RP2: variants seen among roughly 807,000 people sequenced by gnomAD.
The protein encoded by RP2 is protein XRP2.
Under a neutral mutation model 20.3 loss-of-function variants are expected in RP2, and 3 were observed. The observed-to-expected ratio is 0.15, with a 90% CI of 0.07 to 0.38. RP2 has a LOEUF of 0.38. Ranked by LOEUF, RP2 falls within the 10% of genes least tolerant of loss-of-function variation. RP2 has a pLI of 1.00. For synonymous variants in RP2, 75 were observed against 94.8 expected, an observed-to-expected ratio of 0.79 and a Z score of 1.22; for missense variants, 233 against 268.5, an observed-to-expected ratio of 0.87 and a Z score of 0.92.
At chrX:46,841,403 CTT>C (rs781898318) in intron 1 of RP2, among the ~76,000 whole-genome samples, 46 of 112,200 alleles carry the variant, frequency 4.1e-4, no homozygotes, top group Non-Finnish European at 1.1e-4. Flanking sequence ...GTTCATAACT[CTT>C]TAATTTGCAT....
At chrX:46,848,262 TAGTA>T (rs1475780843) in intron 1 of RP2, among the ~76,000 whole-genome samples, 1 of 110,420 alleles carries the variant, frequency 9.1e-6, no homozygotes, top group Non-Finnish European at 1.9e-5. Flanking sequence ...TATTGCCGCT[TAGTA>T]AGATAATAAG....
chrX:46,862,109 C>T (rs1214529644), intron 3 of RP2, among the ~76,000 whole-genome samples: 4 of 111,988 alleles, frequency 3.6e-5, no homozygotes, highest in Non-Finnish European at 7.5e-5. Context: ...CGTAGTGGCT[C>T]ATACCTGTAA....
intron 1 of RP2, among the ~76,000 whole-genome samples, chrX:46,850,616 C>T (rs1199518936): frequency 9.0e-6 from 1 of 111,411 alleles, no homozygotes; most frequent in African/African-American, 3.3e-5. Context: ...TACTTTGTTC[C>T]GTCTGTTACT....
intron 1 of RP2, 126 bp from the exon 2 acceptor site, chrX:46,853,350 C>A: frequency 1.8e-6 from 1 of 566,427 alleles, no homozygotes; most frequent in Non-Finnish European, 2.8e-6. Context: ...TACTGTGTTT[C>A]AAAGTCATTG....
chrX:46,875,257 A>G (rs1284358812), intron 3 of RP2, among the ~76,000 whole-genome samples: 2 of 107,188 alleles, frequency 1.9e-5, no homozygotes, highest in Non-Finnish European at 3.9e-5. Flanking sequence ...AATTGTTTTA[A>G]TAGGCGTTGC....
intron 3 of RP2, among the ~76,000 whole-genome samples, chrX:46,862,477 G>A (rs781928850): frequency 2.0e-3 from 216 of 110,554 alleles, no homozygotes; most frequent in Non-Finnish European, 2.5e-3. Flanking sequence ...TGGCTAACAC[G>A]GTGAAACCCC....
At chrX:46,847,892 G>T (rs782196357) in intron 1 of RP2, among the ~76,000 whole-genome samples, 4 of 87,391 alleles carry the variant, frequency 4.6e-5, no homozygotes, top group Admixed American at 1.3e-4. Flanking sequence ...ATATATATGC[G>T]TATATACATA....
intron 1 of RP2, among the ~76,000 whole-genome samples, chrX:46,841,111 G>A (rs898557659): frequency 2.7e-5 from 3 of 111,846 alleles, no homozygotes; most frequent in Non-Finnish European, 5.6e-5. Flanking sequence ...TTAAACCAGA[G>A]GTTGGGCATG....
In RP2 at chrX:46,881,989, T is replaced by G. The variant is rs1240210229; in HGVS notation, c.*2220T>G. 3.6e-5 allele frequency: 4 copies of G among 111,973 alleles called. No homozygotes were observed. The highest frequency in any genetic ancestry group is 5.6e-5 in the Non-Finnish European group (3 of 53,232). 9.2% of individuals were successfully genotyped at this position (111,973 alleles called of 1,213,427 possible). On this transcript the variant is annotated 3_prime_UTR_variant, in exon 5 of 5. Transcript: ENST00000218340. ...AACCAAAGCTTAAAATTTTGTATTC[T>G]TCTGTTAGATAAGACCTTTTACCCA...
chrX:46,876,596 G>A (rs1427804031), intron 3 of RP2, among the ~76,000 whole-genome samples: 1 of 110,614 alleles, frequency 9.0e-6, no homozygotes, highest in Non-Finnish European at 1.9e-5. Flanking sequence ...TTCTGTATTT[G>A]TTGCCTGTAT....
At position 46,847,717 on chromosome X, in the gene RP2, T is replaced by TATGTGTGTGTATATATACACAC. The variant is rs1569531343; in HGVS notation, c.103-5757_103-5756insGTGTGTGTATATATACACACAT. Among the ~76,000 whole-genome samples, 313 of 67,944 alleles carry TATGTGTGTGTATATATACACAC rather than the reference T, an allele frequency of 4.6e-3. 2 individuals are homozygous for TATGTGTGTGTATATATACACAC. Among genetic ancestry groups the TATGTGTGTGTATATATACACAC allele is most frequent in the African/African-American group, 0.018 (302 of 16,944 alleles). The allele number at this position is 67,944 out of a possible 115,157, so 59.0% of individuals were successfully genotyped here. A position where few individuals can be genotyped will look rare whatever the true frequency, so the allele number is the denominator to read the frequency against. On this transcript the variant is annotated intron_variant, in intron 1 of 4. Coordinates refer to ENST00000218340, the MANE Select transcript of RP2 (RefSeq NM_006915.3). The stretch of plus-strand genomic sequence containing the variant: ...ATGTGTGTGTGTATATATACACACA[T>TATGTGTGTGTATATATACACAC]ATATGTGTGTGTGTATATACACACA...
rs1434360059 is a variant in RP2 at position 46,881,082 on chromosome X, C to T, written c.*1313C>T. The T allele has an allele frequency of 1.8e-5, 2 of 111,622 alleles. No homozygotes were observed. The highest frequency in any genetic ancestry group is 6.5e-5 in the African/African-American group (2 of 30,784). 9.2% of individuals were successfully genotyped at this position (111,622 alleles called of 1,213,427 possible). A position where few individuals can be genotyped will look rare whatever the true frequency, so the allele number is the denominator to read the frequency against. ...TGAAAATAACCACTTGTAAACATTC[C>T]TATGATTGTTACTAAAATGTATTTT... On this transcript the variant is annotated 3_prime_UTR_variant, in exon 5 of 5. Transcript: ENST00000218340.
intron 2 of RP2, among the ~76,000 whole-genome samples, chrX:46,855,166 T>C (rs1443369736): frequency 9.0e-6 from 1 of 110,811 alleles, no homozygotes; most frequent in African/African-American, 3.3e-5. Flanking sequence ...AGAAGGGAGC[T>C]TGATGCAGAA....
At chrX:46,844,789 T>C (rs920947272) in intron 1 of RP2, among the ~76,000 whole-genome samples, 2 of 111,751 alleles carry the variant, frequency 1.8e-5, no homozygotes, top group Non-Finnish European at 3.8e-5. Context: ...GTTTACAGTC[T>C]CACCAACAGT....
At chrX:46,872,912 A>AT (rs1482228704) in intron 3 of RP2, among the ~76,000 whole-genome samples, 45 of 109,705 alleles carry the variant, frequency 4.1e-4, no homozygotes, top group African/African-American at 1.3e-3. Context: ...TAATTTTTGT[A>AT]TTTTTTTGTA....
chrX:46,852,771 C>T (rs782522708), intron 1 of RP2, among the ~76,000 whole-genome samples: 4 of 110,250 alleles, frequency 3.6e-5, no homozygotes, highest in African/African-American at 3.3e-5. Context: ...TTAATAGAGA[C>T]GGGGTTTCGC....
intron 1 of RP2, among the ~76,000 whole-genome samples, chrX:46,847,767 T>TATACACACGTGTGTGTGTATATACACAC (rs781898428): frequency 1.9e-4 from 13 of 68,511 alleles, no homozygotes; most frequent in African/African-American, 8.4e-4. Context: ...TATACACACA[T>TATACACACGTGTGTGTGTATATACACAC]GTGTGTGTGT....
rs1299146709 is a variant in RP2, at chrX:46,881,293, A to G, written c.*1524A>G. The G allele has an allele frequency of 9.0e-6, 1 of 111,315 alleles. No homozygotes were observed. Among genetic ancestry groups the G allele is most frequent in the Admixed American group, 9.7e-5 (1 of 10,265 alleles). 9.2% of individuals were successfully genotyped at this position (111,315 alleles called of 1,213,427 possible). ...ATCATTTCAATTCTTTTATAAGGGC[A>G]TTCAATACTACAAAATCAACATGAT... is the stretch of plus-strand genomic sequence containing the variant. On this transcript the variant is annotated 3_prime_UTR_variant, in exon 5 of 5. Transcript: ENST00000218340.
At chrX:46,860,797 A>T (rs781956374) in intron 3 of RP2, among the ~76,000 whole-genome samples, 1 of 112,237 alleles carries the variant, frequency 8.9e-6, no homozygotes, top group South Asian at 3.7e-4. Flanking sequence ...GCAAATATGT[A>T]TAGTAATACG....
Sources: gnomAD v4.1 joint callset for allele counts (sites outside exome capture counted in the v4.1 genomes callset) on GRCh38, gnomAD v4.1.1 for gene constraint, MANE v1.5 for transcripts, NCBI Gene and HGNC (gene_info 2026-07-23, HGNC 2026-07-21) for gene names.